NAALADL2: variants seen among roughly 807,000 people sequenced by gnomAD.
NAALADL2 encodes inactive N-acetylated-alpha-linked acidic dipeptidase-like protein 2.
In NAALADL2, 76 loss-of-function variants were observed where a neutral mutation model predicts 87.2. The ratio of observed to expected loss-of-function variants is 0.87; its 90% CI spans 0.72 to 1.05. NAALADL2 has a LOEUF of 1.05. Ranked by LOEUF, NAALADL2 falls within the 50% of genes least tolerant of loss-of-function variation. NAALADL2 has a pLI of 0.00. For synonymous variants in NAALADL2, 354 were observed against 331.0 expected, an observed-to-expected ratio of 1.07 and a Z score of -0.75; for missense variants, 1,089 against 945.8, an observed-to-expected ratio of 1.15 and a Z score of -1.99.
intron 1 of NAALADL2, among the ~76,000 whole-genome samples, chr3:174,454,942 C>T (rs1188915557): frequency 6.7e-6 from 1 of 149,918 alleles, no homozygotes; most frequent in Non-Finnish European, 1.5e-5. Context: ...TCAATGAATC[C>T]AGGAGTTGTT....
intron 9 of NAALADL2, among the ~76,000 whole-genome samples, chr3:175,570,605 G>A (rs1026223625): frequency 2.6e-5 from 4 of 152,152 alleles, no homozygotes; most frequent in Non-Finnish European, 4.4e-5. Flanking sequence ...TTTTGGCTGG[G>A]CGAGGTGGCT....
chr3:174,525,912 A>G (rs1720704714), intron 1 of NAALADL2, among the ~76,000 whole-genome samples: 1 of 152,164 alleles, frequency 6.6e-6, no homozygotes, highest in African/African-American at 2.4e-5. Context: ...ATGGGGGAGC[A>G]TGGATTATTG....
In NAALADL2 at chr3:174,794,981, C is replaced by CTTTTTTTTTTTTTTTTTTTTTTTTTT. The variant is rs772447340; in HGVS notation, c.-9+57237_-9+57262dup. ...TTAAAAGTTGAAACTTCTAGTCCAG[C>CTTTTTTTTTTTTTTTTTTTTTTTTTT]TTTTTTTTTTTTTTTTTTTTTTTTT... On this transcript the variant is annotated intron_variant, in intron 3 of 3. Transcript: ENST00000434257. Among the ~76,000 whole-genome samples the CTTTTTTTTTTTTTTTTTTTTTTTTTT allele has an allele frequency of 7.5e-5, 5 of 66,696 alleles. 1 individual carries two copies. The highest frequency in any genetic ancestry group is 1.4e-4 in the Non-Finnish European group (5 of 36,338). The allele number at this position is 66,696 out of a possible 152,430, so 43.8% of individuals were successfully genotyped here.
At chr3:174,856,178 G>T (rs549591657), upstream of NAALADL2, among the ~76,000 whole-genome samples, 1 of 151,834 alleles carries the variant, frequency 6.6e-6, no homozygotes, top group South Asian at 2.1e-4. Flanking sequence ...GATAATTTTT[G>T]TATTGTTTGT....
intron 13 of NAALADL2, among the ~76,000 whole-genome samples, chr3:175,786,133 A>T (rs1461035426): frequency 6.6e-6 from 1 of 151,438 alleles, no homozygotes; most frequent in Non-Finnish European, 1.5e-5. Flanking sequence ...TGCCCTTAAC[A>T]TTTTTTCCTT....
intron 11 of NAALADL2, among the ~76,000 whole-genome samples, chr3:175,693,043 C>T (rs574475680): frequency 2.6e-5 from 4 of 152,072 alleles, no homozygotes; most frequent in Non-Finnish European, 5.9e-5. Context: ...TAAAATCAGC[C>T]AAGGGAATAG....
At chr3:174,705,027 A>T (rs1387595580) in intron 2 of NAALADL2, among the ~76,000 whole-genome samples, 2 of 152,204 alleles carry the variant, frequency 1.3e-5, no homozygotes, top group Non-Finnish European at 2.9e-5. Flanking sequence ...TAATAAAAAC[A>T]AGCAAAATCA....
At chr3:174,675,393 G>C (rs1344512815) in intron 2 of NAALADL2, among the ~76,000 whole-genome samples, 2 of 151,922 alleles carry the variant, frequency 1.3e-5, no homozygotes. Context: ...ATGTTAATTA[G>C]GAAGCTTTTC....
At chr3:175,478,860 C>T (rs898980154) in intron 9 of NAALADL2, among the ~76,000 whole-genome samples, 12 of 151,804 alleles carry the variant, frequency 7.9e-5, no homozygotes, top group African/African-American at 2.9e-4. Flanking sequence ...ATGAAATTTA[C>T]TCTGATAAAT....
chr3:174,597,987 C>T (rs1025969582), intron 2 of NAALADL2, among the ~76,000 whole-genome samples: 1 of 152,108 alleles, frequency 6.6e-6, no homozygotes, highest in African/African-American at 2.4e-5. Context: ...CATGTCTCAC[C>T]TCTATATTAT....
chr3:175,097,670 A>G (rs1288821213), intron 2 of NAALADL2, among the ~76,000 whole-genome samples: 1 of 152,152 alleles, frequency 6.6e-6, no homozygotes, highest in African/African-American at 2.4e-5. Flanking sequence ...ATGACATCAG[A>G]ATAAAATAAA....
At chr3:175,146,103 A>G (rs1730715447) in intron 2 of NAALADL2, among the ~76,000 whole-genome samples, 1 of 152,148 alleles carries the variant, frequency 6.6e-6, no homozygotes, top group Admixed American at 6.6e-5. Flanking sequence ...ACAGAATAGT[A>G]AAAAATCTCA....
intron 3 of NAALADL2, among the ~76,000 whole-genome samples, chr3:175,241,755 A>G (rs183995529): frequency 1.1e-3 from 173 of 152,108 alleles, no homozygotes; most frequent in African/African-American, 4.0e-3. Context: ...ATAGGTAGCT[A>G]AATTCAACTA....
intron 13 of NAALADL2, among the ~76,000 whole-genome samples, chr3:175,792,249 C>G (rs569175311): frequency 6.6e-6 from 1 of 152,184 alleles, no homozygotes; most frequent in South Asian, 2.1e-4. Context: ...TAATTTTTGT[C>G]ACATTTTCAA....
chr3:174,950,848 A>C (rs1215743961), intron 1 of NAALADL2, among the ~76,000 whole-genome samples: 3 of 152,166 alleles, frequency 2.0e-5, no homozygotes, highest in Non-Finnish European at 4.4e-5. Context: ...AATAATTTGT[A>C]ATTTAATTTC....
intron 3 of NAALADL2, among the ~76,000 whole-genome samples, chr3:174,752,581 A>T (rs554590307): frequency 6.6e-6 from 1 of 151,652 alleles, no homozygotes; most frequent in Admixed American, 6.6e-5. Context: ...AAAATAGGCC[A>T]GTGATTTTTT....
chr3:175,136,084 CT>C (rs1729072033), intron 2 of NAALADL2, among the ~76,000 whole-genome samples: 1 of 152,106 alleles, frequency 6.6e-6, no homozygotes. Flanking sequence ...GAACCTACTC[CT>C]TAGGGTGTAG....
intron 1 of NAALADL2, among the ~76,000 whole-genome samples, chr3:174,958,737 A>T (rs1037785808): frequency 1.3e-5 from 2 of 152,064 alleles, no homozygotes; most frequent in African/African-American, 2.4e-5. Flanking sequence ...TGAATTTGTG[A>T]TAAATTTTAA....
intron 6 of NAALADL2, among the ~76,000 whole-genome samples, chr3:175,460,348 G>C (rs952391562): frequency 8.5e-5 from 13 of 152,148 alleles, no homozygotes; most frequent in African/African-American, 3.1e-4. Context: ...ACATGCATGA[G>C]GATGTAAATA....
Sources: gnomAD v4.1 joint callset for allele counts (sites outside exome capture counted in the v4.1 genomes callset) on GRCh38, gnomAD v4.1.1 for gene constraint, MANE v1.5 for transcripts, NCBI Gene and HGNC (gene_info 2026-07-23, HGNC 2026-07-21) for gene names.